MEAK7: variants seen among roughly 807,000 people sequenced by gnomAD.
The protein encoded by MEAK7 is MTOR-associated protein MEAK7.
A neutral mutation model predicts 40.5 loss-of-function variants in MEAK7; 68 were observed. The observed-to-expected ratio is 1.68, with a 90% confidence interval of 1.38 to 2.06. The LOEUF (loss-of-function observed/expected upper bound fraction) is 2.06, where lower values mean the gene tolerates loss of function less well. Among genes scored for constraint, MEAK7 ranks in the 30% most tolerant of loss-of-function variants. The pLI is 0.00. For missense variants in MEAK7, 918 were observed against 580.5 expected, an observed-to-expected ratio of 1.58 and a Z score of -5.98; for synonymous variants, 338 against 231.9, an observed-to-expected ratio of 1.46 and a Z score of -4.16.
chr16:84,495,606 G>A, intron 3 of MEAK7, 77 bp downstream of exon 3: 21 of 1,394,436 alleles, frequency 1.5e-5, no homozygotes, highest in Non-Finnish European at 1.9e-5. Flanking sequence ...CATGTGCCAT[G>A]TAACTGGCCT....
chr16:84,478,696 C>G lies in MEAK7; in HGVS notation c.*1217G>C, dbSNP rs1295860062. On this transcript the variant is annotated 3_prime_UTR_variant, in exon 8 of 8. Coordinates refer to ENST00000343629, the MANE Select transcript of MEAK7 (RefSeq NM_020947.4). ...CCCACCTACACGATCTTCAGCATTT[C>G]AGGATCACCGGAGCTTGTTTAAAGT... is the stretch of plus-strand genomic sequence containing the variant. 2 of 152,228 alleles carry G rather than the reference C, an allele frequency of 1.3e-5. No individual in the cohort carries two copies. Among genetic ancestry groups the G allele is most frequent in the Admixed American group, 6.5e-5 (1 of 15,286 alleles). The allele number at this position is 152,228 out of a possible 1,614,324, so 9.4% of individuals were successfully genotyped here.
Position 84,486,937 on chromosome 16 carries a change from AG to A in MEAK7, c.651del (p.Leu219SerfsTer9), listed in dbSNP as rs1422770143. The A allele has an allele frequency of 6.2e-7, 1 of 1,614,058 alleles. No homozygotes were observed. The highest frequency in any genetic ancestry group is 1.3e-5 in the African/African-American group (1 of 74,920). ...AIFLSVVICK[G>X]FLILCSSLDL... Reference sequence around the variant, plus strand: ...TCAAGAGACGAGCACAGGATGAGAAAGCCCTTGCAAATGACCACACTCAGGA... The same window carrying A: ...TCAAGAGACGAGCACAGGATGAGAAACCCTTGCAAATGACCACACTCAGGA... On this transcript the variant is annotated frameshift_variant, in exon 5 of 8. Transcript: ENST00000343629. LOFTEE classifies it high-confidence loss of function.
chr16:84,487,358 T>C, intron 4 of MEAK7: 4 of 334,458 alleles, frequency 1.2e-5, no homozygotes, highest in South Asian at 8.3e-5. Context: ...TCTTTTAACA[T>C]GGTCCCTAGA....
At chr16:84,483,585 G>A (rs1394700836) in intron 5 of MEAK7, among the ~76,000 whole-genome samples, 1 of 152,232 alleles carries the variant, frequency 6.6e-6, no homozygotes, top group Non-Finnish European at 1.5e-5. Flanking sequence ...ACGCAGATAA[G>A]AAGGGGGCAC....
At chr16:84,492,138 G>A (rs1483698673) in intron 3 of MEAK7, among the ~76,000 whole-genome samples, 4 of 152,156 alleles carry the variant, frequency 2.6e-5, no homozygotes, top group Non-Finnish European at 4.4e-5. Flanking sequence ...AGAGGTGGAT[G>A]TATGAGATTG....
chr16:84,497,473 C>G (rs1009473591), intron 2 of MEAK7: 1 of 1,289,998 alleles, frequency 7.8e-7, no homozygotes, highest in African/African-American at 1.5e-5. Flanking sequence ...ACCGACGAGT[C>G]CAGGAGGGCA....
At chr16:84,481,853 G>A (rs538330670) in intron 6 of MEAK7, among the ~76,000 whole-genome samples, 2 of 152,280 alleles carry the variant, frequency 1.3e-5, no homozygotes, top group South Asian at 4.1e-4. Context: ...AGAATGGCGT[G>A]AACCTGGGAG....
At chr16:84,485,088 G>A (rs78056162) in intron 5 of MEAK7, among the ~76,000 whole-genome samples, 1,702 of 152,274 alleles carry the variant, frequency 0.011, 33 homozygotes, top group African/African-American at 0.038. Flanking sequence ...TAATTTCCCC[G>A]GAGCCCGAGG....
At chr16:84,499,361 T>C (rs556789363) in intron 1 of MEAK7, among the ~76,000 whole-genome samples, 4 of 152,214 alleles carry the variant, frequency 2.6e-5, no homozygotes, top group African/African-American at 9.6e-5. Context: ...ACAGGCACCT[T>C]GATAAACAAA....
intron 2 of MEAK7, 172 bp downstream of exon 2, chr16:84,497,762 G>A (rs899145661): frequency 1.4e-5 from 18 of 1,293,282 alleles, no homozygotes; most frequent in South Asian, 9.1e-5. Flanking sequence ...AACAGAGACC[G>A]CATAGCTCAC....
At chr16:84,501,153 G>A (rs866574574) in intron 1 of MEAK7, among the ~76,000 whole-genome samples, 1 of 151,708 alleles carries the variant, frequency 6.6e-6, no homozygotes, top group Non-Finnish European at 1.5e-5. Flanking sequence ...AGGGCATGGG[G>A]ATGGGTGTGG....
intron 6 of MEAK7, among the ~76,000 whole-genome samples, chr16:84,480,914 A>G (rs1165170330): frequency 6.6e-6 from 1 of 152,240 alleles, no homozygotes; most frequent in Admixed American, 6.5e-5. Flanking sequence ...TAGAACAGTC[A>G]TCTATGTCTC....
At position 84,480,521 on chromosome 16, in the gene MEAK7, C is replaced by G. The variant is rs1034012824; in HGVS notation, c.1257+8G>C. The G allele has an allele frequency of 6.2e-7, 1 of 1,602,592 alleles. No homozygotes were observed. ...CCATCCTGGGATGCAGAGGACAGCTCCACTCACCAACTGCTCCTCTGAGGG... is the reference window on the plus strand; with the variant it reads ...CCATCCTGGGATGCAGAGGACAGCTGCACTCACCAACTGCTCCTCTGAGGG... On this transcript the variant is annotated splice_region_variant and intron_variant, in intron 7 of 7. Transcript: ENST00000343629.
At chr16:84,504,082 G>A (rs748015267) in intron 1 of MEAK7, 25 of 985,576 alleles carry the variant, frequency 2.5e-5, no homozygotes, top group Non-Finnish European at 3.0e-5. Context: ...GTTCCTGTGG[G>A]CCAGAAGGTG....
At chr16:84,502,961 G>GTGTA (rs1914622106) in intron 1 of MEAK7, 1 of 152,166 alleles carries the variant, frequency 6.6e-6, no homozygotes, top group African/African-American at 2.4e-5. Flanking sequence ...GGGCCCATCT[G>GTGTA]TGTACCTCTT....
At chr16:84,488,579 A>G (rs1477760219) in intron 4 of MEAK7, 1 of 152,244 alleles carries the variant, frequency 6.6e-6, no homozygotes, top group Non-Finnish European at 1.5e-5. Context: ...GGATTCAAAT[A>G]ATACAAAGTA....
At chr16:84,502,558 T>C (rs1914591700) in intron 1 of MEAK7, among the ~76,000 whole-genome samples, 1 of 151,938 alleles carries the variant, frequency 6.6e-6, no homozygotes, top group Non-Finnish European at 1.5e-5. Flanking sequence ...TGTACCCAGG[T>C]GTACTGTGAA....
At chr16:84,481,842 G>A (rs1215472629) in intron 6 of MEAK7, among the ~76,000 whole-genome samples, 1 of 152,190 alleles carries the variant, frequency 6.6e-6, no homozygotes, top group African/African-American at 2.4e-5. Flanking sequence ...GCTGAGGCAG[G>A]AGAATGGCGT....
intron 2 of MEAK7, chr16:84,497,534 A>T: frequency 7.7e-7 from 1 of 1,291,378 alleles, no homozygotes; most frequent in Non-Finnish European, 1.0e-6. Flanking sequence ...GTCAGGAGGG[A>T]CGTGGTTCAA....
Sources: allele counts gnomAD v4.1 joint callset (sites outside exome capture counted in the v4.1 genomes callset), GRCh38; gene constraint gnomAD v4.1.1; transcripts MANE v1.5; gene names NCBI Gene and HGNC (gene_info 2026-07-23, HGNC 2026-07-21).